Variants in NRG1 observed in about 807,000 individuals in gnomAD.
The protein encoded by NRG1 is neuregulin 1.
In NRG1, 18 loss-of-function variants were observed where a neutral mutation model predicts 63.8. That is an observed-to-expected ratio of 0.28 (90% CI 0.19 to 0.42). The LOEUF (loss-of-function observed/expected upper bound fraction) is 0.42, where lower values mean the gene tolerates loss of function less well. Ranked by LOEUF, NRG1 falls within the 10% of genes least tolerant of loss-of-function variation. NRG1 has a pLI of 1.00. For synonymous variants in NRG1, 302 were observed against 301.3 expected (o/e 1.00, Z -0.02); for missense variants, 762 against 814.7 (o/e 0.94, Z 0.79).
At chr8:32,322,083 T>C (rs528587963) in intron 1 of NRG1, among the ~76,000 whole-genome samples, 4 of 151,996 alleles carry the variant, frequency 2.6e-5, no homozygotes, top group Non-Finnish European at 4.4e-5. Context: ...GAACCTGAGA[T>C]GGGAAGATCA....
intron 1 of NRG1, among the ~76,000 whole-genome samples, chr8:32,564,423 A>AT (rs1406627386): frequency 6.6e-6 from 1 of 152,168 alleles, no homozygotes; most frequent in Non-Finnish European, 1.5e-5. Flanking sequence ...TGGTGGGAAG[A>AT]TTTTAACACA....
At chr8:32,606,474 C>T (rs1404530392) in intron 3 of NRG1, among the ~76,000 whole-genome samples, 2 of 151,982 alleles carry the variant, frequency 1.3e-5, no homozygotes, top group Non-Finnish European at 2.9e-5. Context: ...ATACAATCCA[C>T]CTCTGACAAC....
rs528085870 is a variant in NRG1, at chr8:32,419,383, A to G, written c.38-176445A>G. Among the ~76,000 whole-genome samples, 8 of 152,300 alleles carry G rather than the reference A, an allele frequency of 5.3e-5. No individual in the cohort carries two copies. In the South Asian group the frequency reaches 1.0e-3, roughly 20 times the overall value. On this transcript the variant is annotated intron_variant, in intron 1 of 10. Transcript: ENST00000519301. The stretch of plus-strand genomic sequence containing the variant: ...CCAGTGATCTCTGGATGGTGAAAAT[A>G]TTCTCTAAAACAGACTCCACAACTA...
At chr8:31,903,148 CTTT>C (rs35433200) in intron 1 of NRG1, among the ~76,000 whole-genome samples, 5 of 125,514 alleles carry the variant, frequency 4.0e-5, no homozygotes, top group African/African-American at 8.9e-5. Context: ...GAGCCTTCAA[CTTT>C]TTTTTTTTTT....
chr8:32,025,841 G>C (rs1038294811), intron 1 of NRG1, among the ~76,000 whole-genome samples: 3 of 150,802 alleles, frequency 2.0e-5, no homozygotes, highest in African/African-American at 7.3e-5. Flanking sequence ...CCAGCTACTC[G>C]GGGCTGAGGC....
At chr8:32,657,208 T>A (rs937464170) in intron 5 of NRG1, among the ~76,000 whole-genome samples, 2 of 151,658 alleles carry the variant, frequency 1.3e-5, no homozygotes, top group East Asian at 3.9e-4. Flanking sequence ...CAGAAGACCC[T>A]ATATCTTCCA....
At chr8:32,479,175 A>G (rs543946804) in intron 1 of NRG1, among the ~76,000 whole-genome samples, 32 of 152,232 alleles carry the variant, frequency 2.1e-4, no homozygotes, top group Middle Eastern at 3.4e-3. Context: ...CTTATGGGAG[A>G]ATTAAATTCA....
intron 1 of NRG1, among the ~76,000 whole-genome samples, chr8:31,871,419 C>G (rs762599761): frequency 6.6e-6 from 1 of 152,076 alleles, no homozygotes; most frequent in Non-Finnish European, 1.5e-5. Context: ...ACTGCCCTCC[C>G]TTAGTCTCGC....
intron 1 of NRG1, among the ~76,000 whole-genome samples, chr8:32,419,807 A>G (rs1290276566): frequency 6.6e-6 from 1 of 152,208 alleles, no homozygotes; most frequent in Non-Finnish European, 1.5e-5. Flanking sequence ...ATACCTCGTC[A>G]TAACACAAGT....
At chr8:32,070,616 T>C (rs1825613731) in intron 1 of NRG1, among the ~76,000 whole-genome samples, 1 of 152,116 alleles carries the variant, frequency 6.6e-6, no homozygotes, top group African/African-American at 2.4e-5. Flanking sequence ...CTACTGTTAT[T>C]TCTACTTCAA....
chr8:32,055,552 G>C (rs769399045), intron 1 of NRG1, among the ~76,000 whole-genome samples: 2 of 151,986 alleles, frequency 1.3e-5, no homozygotes, highest in Non-Finnish European at 2.9e-5. Context: ...GACAAATATA[G>C]AACCTAAAGT....
At chr8:31,880,809 T>C (rs1015601449) in intron 1 of NRG1, among the ~76,000 whole-genome samples, 1 of 152,190 alleles carries the variant, frequency 6.6e-6, no homozygotes, top group Non-Finnish European at 1.5e-5. Flanking sequence ...GATTACTCAG[T>C]TATACAAAAT....
At chr8:32,298,662 C>T (rs1563285907) in intron 1 of NRG1, among the ~76,000 whole-genome samples, 2 of 146,150 alleles carry the variant, frequency 1.4e-5, no homozygotes, top group Middle Eastern at 3.5e-3. Context: ...TGCAGTGAGC[C>T]GAGACTGCAC....
chr8:32,504,585 A>T (rs1014160921), intron 1 of NRG1, among the ~76,000 whole-genome samples: 17 of 152,204 alleles, frequency 1.1e-4, no homozygotes, highest in Admixed American at 9.2e-4. Context: ...ACATATAAAG[A>T]TTTATTTATT....
At chr8:32,003,014 T>C (rs1350773103) in intron 1 of NRG1, among the ~76,000 whole-genome samples, 1 of 152,088 alleles carries the variant, frequency 6.6e-6, no homozygotes, top group Non-Finnish European at 1.5e-5. Context: ...TTAACCCATA[T>C]TGCTGTAGGA....
At chr8:32,266,736 A>T (rs1407259708) in intron 1 of NRG1, among the ~76,000 whole-genome samples, 1 of 152,148 alleles carries the variant, frequency 6.6e-6, no homozygotes, top group Non-Finnish European at 1.5e-5. Context: ...AATGATTCTT[A>T]AGAAAAAATT....
At chr8:31,868,490 C>T (rs1246561197) in intron 1 of NRG1, among the ~76,000 whole-genome samples, 1 of 152,152 alleles carries the variant, frequency 6.6e-6, no homozygotes, top group Non-Finnish European at 1.5e-5. Context: ...TTCAGTGGAT[C>T]TATGCCATAC....
At chr8:31,826,541 CTT>C (rs1824584968) in intron 1 of NRG1, among the ~76,000 whole-genome samples, 1 of 152,206 alleles carries the variant, frequency 6.6e-6, no homozygotes, top group African/African-American at 2.4e-5. Context: ...CATTAATACT[CTT>C]TTCTTTATAA....
At chr8:32,339,693 A>T (rs563530644) in intron 1 of NRG1, among the ~76,000 whole-genome samples, 72 of 152,328 alleles carry the variant, frequency 4.7e-4, no homozygotes, top group Non-Finnish European at 9.6e-4. Context: ...GACAAATAAA[A>T]TGACGTTTAG....
Sources: gnomAD v4.1 joint callset for allele counts (sites outside exome capture counted in the v4.1 genomes callset) on GRCh38, gnomAD v4.1.1 for gene constraint, MANE v1.5 for transcripts, NCBI Gene and HGNC (gene_info 2026-07-23, HGNC 2026-07-21) for gene names.